GRID2: variants seen among roughly 807,000 people sequenced by gnomAD.
The protein encoded by GRID2 is glutamate receptor ionotropic, delta-2.
In GRID2, 33 loss-of-function variants were observed where a neutral mutation model predicts 114.8. The ratio of observed to expected loss-of-function variants is 0.29; its 90% CI spans 0.22 to 0.38. The LOEUF (loss-of-function observed/expected upper bound fraction) is 0.38, where lower values mean the gene tolerates loss of function less well. GRID2 is among the 10% of genes least tolerant of loss of function. The pLI is 1.00. For synonymous variants in GRID2, 505 were observed against 449.9 expected, an observed-to-expected ratio of 1.12 and a Z score of -1.55; for missense variants, 1,184 against 1,257.7, an observed-to-expected ratio of 0.94 and a Z score of 0.89.
chr4:93,545,739 G>A (rs1031567011), intron 13 of GRID2, among the ~76,000 whole-genome samples: 2 of 152,018 alleles, frequency 1.3e-5, no homozygotes, highest in Non-Finnish European at 2.9e-5. Flanking sequence ...GTAAAAATTA[G>A]TTGGACTATA....
At chr4:93,569,757 T>C (rs1227583873) in intron 13 of GRID2, among the ~76,000 whole-genome samples, 1 of 152,164 alleles carries the variant, frequency 6.6e-6, no homozygotes, top group Non-Finnish European at 1.5e-5. Context: ...CATGTGTATT[T>C]CACCTCAAAG....
At chr4:92,966,579 C>T (rs902544121) in intron 2 of GRID2, among the ~76,000 whole-genome samples, 1 of 151,804 alleles carries the variant, frequency 6.6e-6, no homozygotes, top group Non-Finnish European at 1.5e-5. Flanking sequence ...GCAGTTTCCC[C>T]TATACTGTTC....
chr4:93,490,034 G>GAACTATGGACAGAAC (rs1726830334), intron 11 of GRID2, among the ~76,000 whole-genome samples: 2 of 151,644 alleles, frequency 1.3e-5, no homozygotes, highest in Non-Finnish European at 2.9e-5. Context: ...GGACAGAGAA[G>GAACTATGGACAGAAC]AGAAGCAGTC....
At chr4:93,127,205 A>C (rs774687183) in intron 4 of GRID2, among the ~76,000 whole-genome samples, 1 of 152,176 alleles carries the variant, frequency 6.6e-6, no homozygotes, top group Non-Finnish European at 1.5e-5. Context: ...AAGTTATTAT[A>C]CTATTTTTTA....
chr4:93,593,787 C>T (rs531292547), intron 13 of GRID2, among the ~76,000 whole-genome samples: 29 of 152,124 alleles, frequency 1.9e-4, no homozygotes, highest in African/African-American at 2.2e-4. Context: ...CTTTCCTTCT[C>T]GCTTCATTTC....
chr4:93,358,453 A>T (rs1460404981), intron 8 of GRID2, among the ~76,000 whole-genome samples: 1 of 151,944 alleles, frequency 6.6e-6, no homozygotes, highest in Non-Finnish European at 1.5e-5. Context: ...AACATAGCAT[A>T]TTGGTAAGCA....
chr4:92,622,537 AT>A (rs892715286), intron 2 of GRID2, among the ~76,000 whole-genome samples: 9 of 151,710 alleles, frequency 5.9e-5, no homozygotes, highest in Non-Finnish European at 1.2e-4. Flanking sequence ...GAATAATACT[AT>A]TTTTTCCCCT....
intron 2 of GRID2, among the ~76,000 whole-genome samples, chr4:92,670,261 G>T (rs756730200): frequency 2.0e-5 from 3 of 151,884 alleles, no homozygotes; most frequent in Non-Finnish European, 4.4e-5. Flanking sequence ...TTTATTAAAC[G>T]TTCCGCATAC....
chr4:92,956,127 A>G (rs1752391502), intron 2 of GRID2, among the ~76,000 whole-genome samples: 1 of 152,168 alleles, frequency 6.6e-6, no homozygotes, highest in South Asian at 2.1e-4. Context: ...AGTTACAGAG[A>G]TTTCCTATAT....
intron 3 of GRID2, among the ~76,000 whole-genome samples, chr4:93,087,380 A>G (rs1730424116): frequency 6.6e-6 from 1 of 152,132 alleles, no homozygotes; most frequent in Admixed American, 6.6e-5. Context: ...TTACTCTTTC[A>G]TTATAAATGA....
At chr4:92,315,172 C>G (rs1725902063) in intron 1 of GRID2, among the ~76,000 whole-genome samples, 1 of 152,036 alleles carries the variant, frequency 6.6e-6, no homozygotes, top group Non-Finnish European at 1.5e-5. Flanking sequence ...CTAAAATAAG[C>G]ATGCTAATAG....
chr4:93,725,989 T>G (rs370078850), intron 14 of GRID2, among the ~76,000 whole-genome samples: 4 of 152,328 alleles, frequency 2.6e-5, no homozygotes, highest in South Asian at 4.1e-4. Context: ...TTAGTTTAAT[T>G]AGATCCCATT....
At chr4:92,840,142 T>G (rs577983453) in intron 2 of GRID2, among the ~76,000 whole-genome samples, 1 of 152,248 alleles carries the variant, frequency 6.6e-6, no homozygotes, top group South Asian at 2.1e-4. Context: ...TAGTGACTCC[T>G]GCTTATATTT....
intron 8 of GRID2, among the ~76,000 whole-genome samples, chr4:93,316,147 A>G (rs73840808): frequency 0.076 from 11,604 of 151,926 alleles, 504 homozygotes; most frequent in Middle Eastern, 0.11. Context: ...ATAGTTGGGG[A>G]AAATAATCTC....
In GRID2 at chr4:92,376,773, A is replaced by G. The variant is rs373897431; in HGVS notation, c.88+72029A>G. Among the ~76,000 whole-genome samples, 17 of 152,236 alleles carry G rather than the reference A, an allele frequency of 1.1e-4. No homozygotes were observed. In the East Asian group the frequency reaches 1.9e-3, roughly 17 times the overall value. On this transcript the variant is annotated intron_variant, in intron 1 of 15. Transcript: ENST00000282020. ...TGTGCGCTTGCAGACTCAACACCAC[A>G]TGGAAGCTGCCAACGCTTGGGGCTT...
intron 1 of GRID2, among the ~76,000 whole-genome samples, chr4:92,564,614 T>C (rs974331658): frequency 6.6e-6 from 1 of 151,886 alleles, no homozygotes; most frequent in African/African-American, 2.4e-5. Context: ...GTTTTGAAAA[T>C]AAAGAAATAT....
At chr4:93,463,714 G>A (rs570002479) in intron 11 of GRID2, among the ~76,000 whole-genome samples, 35 of 151,568 alleles carry the variant, frequency 2.3e-4, no homozygotes, top group Non-Finnish European at 4.6e-4. Context: ...TGCTGGCTGG[G>A]CGCGGTGGCT....
chr4:93,490,439 A>T (rs547018426), intron 11 of GRID2, among the ~76,000 whole-genome samples, 200 bp from the exon 12 acceptor site: 1 of 151,870 alleles, frequency 6.6e-6, no homozygotes, highest in African/African-American at 2.4e-5. Context: ...AATATTTATC[A>T]TGCTTCTTTT....
intron 14 of GRID2, among the ~76,000 whole-genome samples, chr4:93,730,228 G>A (rs148630602): frequency 0.045 from 6,874 of 152,258 alleles, 255 homozygotes; most frequent in African/African-American, 0.095. Context: ...CTTAGGAAGA[G>A]TAAAATTGCA....
Sources: gnomAD v4.1 joint callset for allele counts (sites outside exome capture counted in the v4.1 genomes callset) on GRCh38, gnomAD v4.1.1 for gene constraint, MANE v1.5 for transcripts, NCBI Gene and HGNC (gene_info 2026-07-23, HGNC 2026-07-21) for gene names.